The following SORCS1 variants were observed in gnomAD, a reference collection of about 807,000 sequenced individuals.
The protein encoded by SORCS1 is sortilin related VPS10 domain containing receptor 1.
Under a neutral mutation model 146.1 loss-of-function variants are expected in SORCS1, and 60 were observed. That is an observed-to-expected ratio of 0.41 (90% CI 0.33 to 0.51). The LOEUF is 0.51. SORCS1 is among the 20% of genes least tolerant of loss of function. The probability of loss-of-function intolerance (pLI) is 0.21; values close to 1 mark genes in which losing one functional copy is unlikely to be tolerated. For missense variants in SORCS1, 1,352 were observed against 1,487.6 expected (o/e 0.91, Z 1.50); for synonymous variants, 637 against 584.0 (o/e 1.09, Z -1.31).
intron 2 of SORCS1, among the ~76,000 whole-genome samples, chr10:106,947,154 C>G (rs996218709): frequency 6.6e-6 from 1 of 152,152 alleles, no homozygotes; most frequent in Non-Finnish European, 1.5e-5. Context: ...ATTGAAAATT[C>G]CAGTCCTGAT....
At chr10:107,154,057 G>T (rs1403817807) in intron 1 of SORCS1, among the ~76,000 whole-genome samples, 4 of 133,714 alleles carry the variant, frequency 3.0e-5, no homozygotes, top group Non-Finnish European at 4.6e-5. Flanking sequence ...TGTCACCTAG[G>T]CTGGAGTGCA....
chr10:107,121,870 A>T (rs1966432959), intron 1 of SORCS1, among the ~76,000 whole-genome samples: 1 of 152,232 alleles, frequency 6.6e-6, no homozygotes. Flanking sequence ...GGGCTATCAA[A>T]GGAAACCAAT....
Position 106,699,410 on chromosome 10 carries a change from G to A in SORCS1, c.1234-17C>T, listed in dbSNP as rs745497299. On this transcript the variant is annotated splice_polypyrimidine_tract_variant and intron_variant, in intron 8 of 25. Coordinates refer to ENST00000263054, the MANE Select transcript of SORCS1 (RefSeq NM_052918.5). ...ATGCATGTCCTGTGAAAAGACACAA[G>A]GTCGTGAAGAGGGAAAAAGAGTTTT... 3.1e-5 allele frequency: 49 copies of A among 1,592,064 alleles called. No individual in the cohort carries two copies. Among genetic ancestry groups the A allele is most frequent in the Non-Finnish European group, 4.2e-5 (49 of 1,169,010 alleles).
At chr10:106,681,428 T>C (rs1199630380) in intron 10 of SORCS1, among the ~76,000 whole-genome samples, 1 of 152,256 alleles carries the variant, frequency 6.6e-6, no homozygotes, top group Non-Finnish European at 1.5e-5. Context: ...GATTAAGTAC[T>C]GTTTCGCATC....
In SORCS1 at chr10:106,992,817, TCTTTCTTTC is replaced by T. The variant is rs1453564835; in HGVS notation, c.559-36246_559-36238del. Among the ~76,000 whole-genome samples, 867 of 124,954 alleles carry T rather than the reference TCTTTCTTTC, an allele frequency of 6.9e-3. 24 individuals are homozygous for T. The highest frequency in any genetic ancestry group is 0.029 in the African/African-American group (800 of 27,936). 82.0% of individuals were successfully genotyped at this position (124,954 alleles called of 152,430 possible). On this transcript the variant is annotated intron_variant, in intron 1 of 25. Coordinates refer to ENST00000263054, the MANE Select transcript of SORCS1 (RefSeq NM_052918.5). ...GGCCGAGCTAATTTCTTTCTTCCTT[TCTTTCTTTC>T]TTTTTTTTTTTTTTTTTTTTTTTTG...
chr10:107,128,029 C>T (rs1472083218), intron 1 of SORCS1, among the ~76,000 whole-genome samples: 1 of 152,198 alleles, frequency 6.6e-6, no homozygotes, highest in Non-Finnish European at 1.5e-5. Context: ...ATGAAAGGGA[C>T]TGGAACTCAG....
At chr10:107,048,835 C>G (rs975013914) in intron 1 of SORCS1, among the ~76,000 whole-genome samples, 4 of 152,158 alleles carry the variant, frequency 2.6e-5, no homozygotes, top group Non-Finnish European at 5.9e-5. Context: ...TATTTTGACA[C>G]AGCCACATGA....
Position 107,164,463 on chromosome 10 carries a change from C to T in SORCS1, c.64G>A (p.Gly22Arg). ...CCCGGGGCGCAGAGGATCAAGAGCC[C>T]CGCGCCGGCGAGGAGCGCGCTCAGC... is the stretch of plus-strand genomic sequence containing the variant. ...ARLSALLAGA[G>R]LLILCAPGVC... The change falls in exon 1 of 26, where the codon GGG becomes AGG. Residue 22 changes from glycine (G) to arginine (R), a missense_variant. By Grantham distance (125) the Gly-to-Arg change is moderately radical. Transcript: ENST00000263054. This position sits in a 1 kb window ranked among gnomAD's most constrained non-coding sequence, Gnocchi z 6.8. 1 of 1,370,210 alleles carries T rather than the reference C, an allele frequency of 7.3e-7. No individual in the cohort carries two copies. The highest frequency in any genetic ancestry group is 9.4e-7 in the Non-Finnish European group (1 of 1,069,438). 84.9% of individuals were successfully genotyped at this position (1,370,210 alleles called of 1,614,324 possible). A position where few individuals can be genotyped will look rare whatever the true frequency, so the allele number is the denominator to read the frequency against.
chr10:106,995,879 G>A (rs1202148508), intron 1 of SORCS1, among the ~76,000 whole-genome samples: 1 of 152,114 alleles, frequency 6.6e-6, no homozygotes, highest in African/African-American at 2.4e-5. Context: ...CCTGGCAAAT[G>A]TTGTGACCAG....
chr10:107,061,327 A>C (rs1016222848), intron 1 of SORCS1, among the ~76,000 whole-genome samples: 2 of 152,224 alleles, frequency 1.3e-5, no homozygotes, highest in Non-Finnish European at 2.9e-5. Flanking sequence ...ATCATAACAA[A>C]AAACTACATA....
intron 5 of SORCS1, among the ~76,000 whole-genome samples, chr10:106,750,616 C>CT (rs1174146254): frequency 2.0e-5 from 3 of 148,880 alleles, no homozygotes; most frequent in Non-Finnish European, 3.0e-5. Flanking sequence ...GTAGTCCCAG[C>CT]TACTCGGGAG....
At chr10:106,906,085 C>T (rs574282927) in intron 2 of SORCS1, among the ~76,000 whole-genome samples, 1 of 152,180 alleles carries the variant, frequency 6.6e-6, no homozygotes, top group Admixed American at 6.5e-5. Flanking sequence ...AAGACATACC[C>T]AAGACTGGGA....
chr10:106,586,914 C>T (rs1332519901), intron 24 of SORCS1, among the ~76,000 whole-genome samples: 3 of 152,152 alleles, frequency 2.0e-5, no homozygotes, highest in African/African-American at 7.2e-5. Context: ...TATGATGTGC[C>T]CCTGCCCTCC....
rs114163009 is a variant in SORCS1, at chr10:106,593,858, T to C, written c.3265+3493A>G. 7.9e-3 allele frequency among the ~76,000 whole-genome samples: 1,211 copies of C among 152,332 alleles called. 18 individuals carry two copies. Among genetic ancestry groups the C allele is most frequent in the African/African-American group, 0.028 (1,144 of 41,584 alleles). On this transcript the variant is annotated intron_variant, in intron 24 of 25. Coordinates refer to ENST00000263054, the MANE Select transcript of SORCS1 (RefSeq NM_052918.5). ...TCTTCTTTAAATCTCAGTGTGCATA[T>C]CTGGGTCCCCAAAATATACCTCCCT...
In SORCS1 at chr10:106,681,992, G is replaced by A. The variant is rs1324369397; in HGVS notation, c.1561-2258C>T. ...AAAATACAAAAATTAGCCAGGCATG[G>A]TGGTGGGCACCTGTAGTCCCAGCTA... On this transcript the variant is annotated intron_variant, in intron 10 of 25. Coordinates refer to ENST00000263054, the MANE Select transcript of SORCS1 (RefSeq NM_052918.5). 2.6e-5 allele frequency among the ~76,000 whole-genome samples: 4 copies of A among 152,216 alleles called. No individual in the cohort carries two copies. The East Asian group carries it at 7.8e-4, about 30-fold the overall frequency.
At chr10:107,090,088 T>C (rs1388140528) in intron 1 of SORCS1, among the ~76,000 whole-genome samples, 1 of 152,198 alleles carries the variant, frequency 6.6e-6, no homozygotes, top group African/African-American at 2.4e-5. Flanking sequence ...GAGAGCCTGA[T>C]GGCTTCCACG....
chr10:106,676,023 T>C (rs1373425742), intron 13 of SORCS1, among the ~76,000 whole-genome samples: 1 of 152,222 alleles, frequency 6.6e-6, no homozygotes, highest in Non-Finnish European at 1.5e-5. Flanking sequence ...ACCCAGTTTA[T>C]GGTATTTTGT....
intron 3 of SORCS1, among the ~76,000 whole-genome samples, chr10:106,810,734 A>C (rs1440458013): frequency 6.6e-6 from 1 of 152,184 alleles, no homozygotes; most frequent in Non-Finnish European, 1.5e-5. Flanking sequence ...CAGAGGGGAA[A>C]GTGCTACCTG....
chr10:106,843,591 C>A (rs889254740), intron 2 of SORCS1, among the ~76,000 whole-genome samples: 1 of 151,978 alleles, frequency 6.6e-6, no homozygotes, highest in African/African-American at 2.4e-5. Context: ...GCCACCACGC[C>A]CAGCTTATTC....
Sources: gnomAD v4.1 joint callset for allele counts (sites outside exome capture counted in the v4.1 genomes callset) on GRCh38, gnomAD v4.1.1 for gene constraint, Gnocchi (gnomAD v3.1) non-coding constraint, MANE v1.5 for transcripts, NCBI Gene and HGNC (gene_info 2026-07-23, HGNC 2026-07-21) for gene names.